The following TBL1X variants were observed in gnomAD, a reference collection of about 807,000 sequenced individuals.
TBL1X encodes transducin beta like 1 X-linked, also known as F-box-like/WD repeat-containing protein TBL1X.
A neutral mutation model predicts 50.7 loss-of-function variants in TBL1X; 10 were observed. That is an observed-to-expected ratio of 0.20 (90% CI 0.12 to 0.33). TBL1X has a LOEUF of 0.33. Ranked by LOEUF, TBL1X falls within the 10% of genes least tolerant of loss-of-function variation. The pLI, the probability that TBL1X is intolerant of heterozygous loss-of-function variation, is 1.00. For missense variants in TBL1X, 340 were observed against 504.4 expected (o/e 0.67, Z 3.12); for synonymous variants, 190 against 214.7 (o/e 0.88, Z 1.01).
At chrX:9,476,317 G>T (rs2081849345) in intron 1 of TBL1X, among the ~76,000 whole-genome samples, 1 of 111,992 alleles carries the variant, frequency 8.9e-6, no homozygotes, top group African/African-American at 3.2e-5. Context: ...GGAAAGAGAT[G>T]GCACAATATA....
intron 5 of TBL1X, among the ~76,000 whole-genome samples, chrX:9,666,645 G>T (rs2082932611): frequency 9.0e-6 from 1 of 111,660 alleles, no homozygotes; most frequent in Non-Finnish European, 1.9e-5. Flanking sequence ...TGTTTGACTT[G>T]TCTGTTTTAC....
intron 2 of TBL1X, among the ~76,000 whole-genome samples, chrX:9,626,146 C>T (rs2082691685): frequency 1.8e-5 from 2 of 111,085 alleles, no homozygotes; most frequent in African/African-American, 6.6e-5. Flanking sequence ...AAGCATGACA[C>T]GTGTCGCGTG....
chrX:9,609,063 A>G lies in TBL1X; in HGVS notation c.-130-31210A>G, dbSNP rs186573009. 2.6e-3 allele frequency among the ~76,000 whole-genome samples: 286 copies of G among 112,128 alleles called. 1 individual carries two copies. Among genetic ancestry groups the G allele is most frequent in the South Asian group, 0.019 (51 of 2,698 alleles). On this transcript the variant is annotated intron_variant, in intron 2 of 17. Transcript: ENST00000645353. ...ACCTAGGGGAGAAAAGAACTTCCTCAACACATCACACTGCATAAGGAAAAC... is the reference window on the plus strand; with the variant it reads ...ACCTAGGGGAGAAAAGAACTTCCTCGACACATCACACTGCATAAGGAAAAC...
chrX:9,507,858 A>G (rs2082034040), intron 2 of TBL1X, among the ~76,000 whole-genome samples: 2 of 112,506 alleles, frequency 1.8e-5, no homozygotes, highest in Non-Finnish European at 3.8e-5. Flanking sequence ...CTCCTTATTC[A>G]GTAAATGGTG....
intron 2 of TBL1X, among the ~76,000 whole-genome samples, chrX:9,511,362 A>G (rs1398888536): frequency 9.0e-6 from 1 of 111,477 alleles, no homozygotes; most frequent in African/African-American, 3.2e-5. Flanking sequence ...GTGGGTTGAA[A>G]TGTTCTCTCC....
intron 12 of TBL1X, among the ~76,000 whole-genome samples, chrX:9,700,056 C>T (rs1010985442): frequency 5.3e-5 from 6 of 112,516 alleles, no homozygotes; most frequent in Non-Finnish European, 9.4e-5. Context: ...CCACCTACAG[C>T]CTGTGATCTG....
chrX:9,565,271 C>CAAAAA (rs757679440), intron 2 of TBL1X, among the ~76,000 whole-genome samples: 1,590 of 37,344 alleles, frequency 0.043, 268 homozygotes, highest in African/African-American at 0.17. Flanking sequence ...GACTCCGTCT[C>CAAAAA]AAAAAAAAAA....
At position 9,657,941 on chromosome X, in the gene TBL1X, C is replaced by T. The variant is rs778214235; in HGVS notation, c.211+3619C>T. Among the ~76,000 whole-genome samples, 159 of 112,033 alleles carry T rather than the reference C, an allele frequency of 1.4e-3. 1 individual carries two copies. Among genetic ancestry groups the T allele is most frequent in the African/African-American group, 4.9e-3 (151 of 30,847 alleles). On this transcript the variant is annotated intron_variant, in intron 5 of 17. Coordinates refer to ENST00000645353, the MANE Select transcript of TBL1X (RefSeq NM_005647.4). ...ATATCTCATCTTGAATTGTAGCTCC[C>T]GTAATTCCCACATGTCATGGGGAGG...
chrX:9,493,840 T>C (rs1432119293), intron 1 of TBL1X, among the ~76,000 whole-genome samples: 1 of 111,713 alleles, frequency 9.0e-6, no homozygotes, highest in Non-Finnish European at 1.9e-5. Flanking sequence ...TTGTTTGATA[T>C]ACTGTCTCTT....
At chrX:9,709,937 G>GT (rs1236991121) in intron 15 of TBL1X, among the ~76,000 whole-genome samples, 177 bp downstream of exon 15, 1 of 112,904 alleles carries the variant, frequency 8.9e-6, no homozygotes, top group Non-Finnish European at 1.9e-5. Flanking sequence ...GGTAAGGATG[G>GT]TTTTGAGTCA....
chrX:9,491,332 ATATATATT>A (rs1338727860), intron 1 of TBL1X, among the ~76,000 whole-genome samples: 15 of 23,176 alleles, frequency 6.5e-4, no homozygotes, highest in African/African-American at 2.6e-3. Context: ...ATATATATAT[ATATATATT>A]TTTTTTTTTT....
At chrX:9,685,127 C>T (rs1262532460) in intron 6 of TBL1X, among the ~76,000 whole-genome samples, 1 of 112,092 alleles carries the variant, frequency 8.9e-6, no homozygotes, top group Non-Finnish European at 1.9e-5. Context: ...TTACATTGGT[C>T]CACAGTGAGG....
intron 12 of TBL1X, among the ~76,000 whole-genome samples, chrX:9,703,754 G>A (rs1181136111): frequency 8.9e-6 from 1 of 112,092 alleles, no homozygotes. Flanking sequence ...CTTGTCTGGG[G>A]CTGCTTGCAA....
chrX:9,506,145 A>G (rs1601720664), intron 2 of TBL1X, among the ~76,000 whole-genome samples: 1 of 112,295 alleles, frequency 8.9e-6, no homozygotes, highest in Admixed American at 9.5e-5. Flanking sequence ...GGATTAAGAA[A>G]CTCATTCAAA....
intron 7 of TBL1X, 21 bp downstream of exon 7, chrX:9,688,296 A>G (rs1214722540): frequency 9.0e-7 from 1 of 1,117,081 alleles, no homozygotes; most frequent in South Asian, 2.2e-5. Context: ...GGGCTCTGGG[A>G]GTTCGGTGGG....
chrX:9,491,341 T>A (rs1355202187), intron 1 of TBL1X, among the ~76,000 whole-genome samples: 42 of 76,936 alleles, frequency 5.5e-4, no homozygotes, highest in East Asian at 8.6e-4. Context: ...TATATATATT[T>A]TTTTTTTTTT....
intron 2 of TBL1X, among the ~76,000 whole-genome samples, chrX:9,537,575 T>C (rs997002322): frequency 5.7e-5 from 6 of 104,953 alleles, no homozygotes; most frequent in Non-Finnish European, 1.2e-4. Flanking sequence ...TGGGATCATA[T>C]GGTATTTGTC....
intron 2 of TBL1X, among the ~76,000 whole-genome samples, chrX:9,589,260 C>G (rs189700085): frequency 3.6e-5 from 4 of 110,748 alleles, no homozygotes; most frequent in African/African-American, 1.3e-4. Flanking sequence ...GCTTAAAACA[C>G]CAGAAGTATA....
rs891378353 is a variant in TBL1X, at chrX:9,684,277, C to T, written c.357+89C>T. ...CACATTGGAAGCTAACATGCATTTC[C>T]CTCAGGCATTTGGGATTAATTCCGC... On this transcript the variant is annotated intron_variant, in intron 6 of 17. Coordinates refer to ENST00000645353, the MANE Select transcript of TBL1X (RefSeq NM_005647.4). The T allele has an allele frequency of 3.6e-6, 4 of 1,126,213 alleles. No homozygotes were observed. The African/African-American group carries it at 7.3e-5, about 20-fold the overall frequency. 92.8% of individuals were successfully genotyped at this position (1,126,213 alleles called of 1,213,427 possible).
Sources: gnomAD v4.1 joint callset for allele counts (sites outside exome capture counted in the v4.1 genomes callset) on GRCh38, gnomAD v4.1.1 for gene constraint, MANE v1.5 for transcripts, NCBI Gene and HGNC (gene_info 2026-07-23, HGNC 2026-07-21) for gene names.